NKAIN3: variants seen among roughly 807,000 people sequenced by gnomAD.
The protein encoded by NKAIN3 is sodium/potassium-transporting ATPase subunit beta-1-interacting protein 3.
NKAIN3 carries 25 observed loss-of-function variants against 30.2 expected under a neutral mutation model. That is an observed-to-expected ratio of 0.83 (90% CI 0.60 to 1.16). The LOEUF (loss-of-function observed/expected upper bound fraction) is 1.16. Ranked by LOEUF, NKAIN3 falls within the 50% of genes most tolerant of loss-of-function variation. NKAIN3 has a pLI of 0.00. For missense variants in NKAIN3, 225 were observed against 254.1 expected (o/e 0.89, Z 0.78); for synonymous variants, 91 against 89.6 (o/e 1.02, Z -0.09).
chr8:62,265,220 A>G (rs761366514), intron 1 of NKAIN3, among the ~76,000 whole-genome samples: 36 of 152,222 alleles, frequency 2.4e-4, no homozygotes, highest in Non-Finnish European at 4.8e-4. Flanking sequence ...CCTTCTTTCT[A>G]CTACTTCTTT....
At chr8:62,325,137 A>C (rs1219241823) in intron 1 of NKAIN3, among the ~76,000 whole-genome samples, 1 of 152,004 alleles carries the variant, frequency 6.6e-6, no homozygotes, top group Non-Finnish European at 1.5e-5. Context: ...CCCAGCTCCC[A>C]ACCTTCACCC....
At chr8:62,856,723 C>T in intron 4 of NKAIN3, 1 of 709,950 alleles carries the variant, frequency 1.4e-6, no homozygotes, top group Admixed American at 2.1e-5. Flanking sequence ...TCCTGCTGCC[C>T]CTTAAACTGG....
chr8:62,772,215 A>G lies in NKAIN3; in HGVS notation c.471+25086A>G, dbSNP rs968767265. ...ACTTAACATGATGATTTCAGGTTCC[A>G]TCTATGTTGTTGCAAATGACAGGAT... On this transcript the variant is annotated intron_variant, in intron 4 of 6. Transcript: ENST00000623646. Among the ~76,000 whole-genome samples, 16 of 152,146 alleles carry G rather than the reference A, an allele frequency of 1.1e-4. 1 individual carries two copies. Among genetic ancestry groups the G allele is most frequent in the African/African-American group, 3.1e-4 (13 of 41,434 alleles).
intron 1 of NKAIN3, among the ~76,000 whole-genome samples, chr8:62,410,885 A>T (rs1804216924): frequency 6.6e-6 from 1 of 152,158 alleles, no homozygotes; most frequent in Non-Finnish European, 1.5e-5. Context: ...AACAACAACA[A>T]CAAAAAAATC....
intron 1 of NKAIN3, among the ~76,000 whole-genome samples, chr8:62,566,298 C>T (rs1368603207): frequency 6.6e-6 from 1 of 152,038 alleles, no homozygotes; most frequent in African/African-American, 2.4e-5. Context: ...TCTTTGGACA[C>T]CCATTTACTA....
At chr8:62,724,381 G>A (rs2130526033) in intron 3 of NKAIN3, among the ~76,000 whole-genome samples, 1 of 152,102 alleles carries the variant, frequency 6.6e-6, no homozygotes, top group African/African-American at 2.4e-5. Flanking sequence ...TTTGCTTTGT[G>A]TTATCATCCA....
chr8:62,928,408 T>G (rs1020757549), intron 5 of NKAIN3, among the ~76,000 whole-genome samples: 3 of 152,224 alleles, frequency 2.0e-5, no homozygotes, highest in Non-Finnish European at 4.4e-5. Context: ...TGAAGACATC[T>G]TTCTTTGTCA....
At chr8:62,850,469 A>G (rs1819857963) in intron 4 of NKAIN3, among the ~76,000 whole-genome samples, 2 of 151,896 alleles carry the variant, frequency 1.3e-5, no homozygotes, top group Middle Eastern at 3.2e-3. Context: ...ATTAGATCCC[A>G]TTTGTCAATT....
At chr8:62,727,227 C>T (rs1274124561) in intron 3 of NKAIN3, among the ~76,000 whole-genome samples, 7 of 152,076 alleles carry the variant, frequency 4.6e-5, no homozygotes, top group African/African-American at 9.7e-5. Context: ...TGTACAAAAA[C>T]TCTATTGCTA....
intron 3 of NKAIN3, among the ~76,000 whole-genome samples, chr8:62,722,096 G>A (rs1195665881): frequency 6.6e-6 from 1 of 152,116 alleles, no homozygotes; most frequent in African/African-American, 2.4e-5. Context: ...TTTAAGATTA[G>A]CCACTATCAG....
intron 1 of NKAIN3, among the ~76,000 whole-genome samples, chr8:62,421,520 T>C (rs1804639725): frequency 6.6e-6 from 1 of 152,042 alleles, no homozygotes; most frequent in African/African-American, 2.4e-5. Flanking sequence ...ATTTGGGGAA[T>C]ACATACACCA....
At chr8:62,893,644 A>ATGTGTG (rs71559382) in intron 4 of NKAIN3, among the ~76,000 whole-genome samples, 54,839 of 151,182 alleles carry the variant, frequency 0.36, 10,118 homozygotes, top group South Asian at 0.44. Flanking sequence ...TACTCCTTGA[A>ATGTGTG]TGTGTGTGTG....
At chr8:62,920,967 G>A (rs1822258424) in intron 5 of NKAIN3, among the ~76,000 whole-genome samples, 1 of 152,164 alleles carries the variant, frequency 6.6e-6, no homozygotes, top group African/African-American at 2.4e-5. Context: ...AAGTGCAGAT[G>A]TAATTAAGTT....
At chr8:62,820,473 T>C (rs1459922879) in intron 4 of NKAIN3, among the ~76,000 whole-genome samples, 1 of 152,116 alleles carries the variant, frequency 6.6e-6, no homozygotes, top group Non-Finnish European at 1.5e-5. Flanking sequence ...ATATGGAACT[T>C]AGAGTAGGCT....
At chr8:62,705,175 T>G (rs1452668868) in intron 3 of NKAIN3, among the ~76,000 whole-genome samples, 1 of 152,204 alleles carries the variant, frequency 6.6e-6, no homozygotes, top group African/African-American at 2.4e-5. Context: ...ATATTTGATA[T>G]GGATATGAAT....
intron 6 of NKAIN3, among the ~76,000 whole-genome samples, chr8:62,960,126 G>A (rs1191457572): frequency 1.3e-5 from 2 of 152,140 alleles, no homozygotes; most frequent in Non-Finnish European, 2.9e-5. Context: ...TATAGCTTAC[G>A]CAGTTCAGAC....
chr8:62,305,689 C>T lies in NKAIN3; in HGVS notation c.54+56562C>T, dbSNP rs546683569. 5.3e-5 allele frequency among the ~76,000 whole-genome samples: 8 copies of T among 150,558 alleles called. No homozygotes were observed. In the South Asian group the frequency reaches 1.7e-3, roughly 31 times the overall value. On this transcript the variant is annotated intron_variant, in intron 1 of 6. Coordinates refer to ENST00000623646, the MANE Select transcript of NKAIN3 (RefSeq NM_001304533.3). Reference sequence around the variant, plus strand: ...ACACCATGGTGTCTCCAGGCCCTCCCTCTGGGCCACAAGCACTAAAGTGTG... The same window carrying T: ...ACACCATGGTGTCTCCAGGCCCTCCTTCTGGGCCACAAGCACTAAAGTGTG...
intron 4 of NKAIN3, among the ~76,000 whole-genome samples, chr8:62,812,711 C>G (rs1818529621): frequency 6.6e-6 from 1 of 151,644 alleles, no homozygotes; most frequent in Admixed American, 6.6e-5. Context: ...TTACTACACT[C>G]AATTTTTAGA....
Position 62,901,057 on chromosome 8 carries a change from C to T in NKAIN3, c.472-17396C>T, listed in dbSNP as rs375268369. Among the ~76,000 whole-genome samples, 4 of 152,054 alleles carry T rather than the reference C, an allele frequency of 2.6e-5. No individual in the cohort carries two copies. In the South Asian group the frequency reaches 6.2e-4, roughly 24 times the overall value. On this transcript the variant is annotated intron_variant, in intron 4 of 6. Transcript: ENST00000623646. ...GAGAATAGAGGTGAATTATTTCCAG[C>T]GGTCAGGAGAGAAAAGACACAAAAT...
Sources: allele counts gnomAD v4.1 joint callset (sites outside exome capture counted in the v4.1 genomes callset), GRCh38; gene constraint gnomAD v4.1.1; transcripts MANE v1.5; gene names NCBI Gene and HGNC (gene_info 2026-07-23, HGNC 2026-07-21).